SNRK: variants seen among roughly 807,000 people sequenced by gnomAD.
SNRK encodes SNF-related serine/threonine-protein kinase.
SNRK carries 3 observed loss-of-function variants against 48.2 expected under a neutral mutation model. The observed-to-expected ratio is 0.06, with a 90% CI of 0.03 to 0.16. The LOEUF is 0.16. Among genes scored for constraint, SNRK ranks in the 10% least tolerant of loss-of-function variants. The pLI is 1.00. For missense variants in SNRK, 627 were observed against 976.0 expected, an observed-to-expected ratio of 0.64 and a Z score of 4.76; for synonymous variants, 376 against 366.1, an observed-to-expected ratio of 1.03 and a Z score of -0.31.
chr3:43,312,889 A>G (rs1290269609), intron 3 of SNRK, among the ~76,000 whole-genome samples: 1 of 152,216 alleles, frequency 6.6e-6, no homozygotes, highest in Non-Finnish European at 1.5e-5. Flanking sequence ...TAACAAAAAA[A>G]TAATGATAGA....
Position 43,327,277 on chromosome 3 carries a change from G to A in SNRK, c.590-4892G>A, listed in dbSNP as rs565515232. On this transcript the variant is annotated intron_variant, in intron 3 of 6. Transcript: ENST00000296088. ...TTAGGTTTTATTATAGAACTCCTGG[G>A]ACCTACACACTTCTGAAACAGTACT... Among the ~76,000 whole-genome samples, 415 of 152,290 alleles carry A rather than the reference G, an allele frequency of 2.7e-3. 1 individual carries two copies. Among genetic ancestry groups the A allele is most frequent in the South Asian group, 7.9e-3 (38 of 4,816 alleles).
chr3:43,308,665 A>C (rs2090956204), intron 3 of SNRK, among the ~76,000 whole-genome samples: 1 of 152,170 alleles, frequency 6.6e-6, no homozygotes, highest in Middle Eastern at 3.2e-3. Context: ...AAATACTGCC[A>C]CTCATTGACA....
At chr3:43,344,737 G>A (rs368335969) in intron 6 of SNRK, among the ~76,000 whole-genome samples, 1 of 152,062 alleles carries the variant, frequency 6.6e-6, no homozygotes, top group East Asian at 1.9e-4. Context: ...GGAAATTCTT[G>A]GGGATGAGAT....
chr3:43,344,360 G>A (rs865979717), intron 6 of SNRK, among the ~76,000 whole-genome samples: 3 of 152,194 alleles, frequency 2.0e-5, no homozygotes, highest in East Asian at 1.9e-4. Flanking sequence ...CCATGGAACT[G>A]TAGTTCGAAA....
Position 43,350,161 on chromosome 3 carries a change from T to G in SNRK, c.*1604T>G, listed in dbSNP as rs1559474288. On this transcript the variant is annotated 3_prime_UTR_variant, in exon 7 of 7. Transcript: ENST00000296088. Reference sequence around the variant, plus strand: ...AAATACTTATTTTACTTTCTAGACCTAGGCTAGATGTTTTAAGCTACAGCT... The same window carrying G: ...AAATACTTATTTTACTTTCTAGACCGAGGCTAGATGTTTTAAGCTACAGCT... 1 of 152,672 alleles carries G rather than the reference T, an allele frequency of 6.5e-6. No homozygotes were observed. Among genetic ancestry groups the G allele is most frequent in the African/African-American group, 2.4e-5 (1 of 41,464 alleles). 9.5% of individuals were successfully genotyped at this position (152,672 alleles called of 1,614,324 possible). A position where few individuals can be genotyped will look rare whatever the true frequency, so the allele number is the denominator to read the frequency against.
At position 43,348,364 on chromosome 3, in the gene SNRK, G is replaced by T; in HGVS notation, c.2105G>T (p.Gly702Val). 6.2e-7 allele frequency: 1 copy of T among 1,607,756 alleles called. No homozygotes were observed. The highest frequency in any genetic ancestry group is 8.5e-7 in the Non-Finnish European group (1 of 1,177,190). Residue 702 changes from glycine (G) to valine (V), a missense_variant, in exon 7 of 7, where the codon GGC becomes GTC. Physicochemically the swap from Gly to Val is moderately radical, Grantham distance 109. Coordinates refer to ENST00000296088, the MANE Select transcript of SNRK (RefSeq NM_017719.5). ...TGNAGQVPAVGGIKFFSDHMA... is the reference protein window; with the variant it reads ...TGNAGQVPAVVGIKFFSDHMA... ...AATGCAGGGCAGGTCCCTGCAGTGG[G>T]CGGCATAAAGTTTTTCTCTGACCAC...
chr3:43,320,021 G>A (rs1367411994), intron 3 of SNRK, among the ~76,000 whole-genome samples: 1 of 152,168 alleles, frequency 6.6e-6, no homozygotes, highest in Non-Finnish European at 1.5e-5. Context: ...CAACTATTTG[G>A]ATGAACACAA....
At position 43,349,562 on chromosome 3, in the gene SNRK, G is replaced by C. The variant is rs1038819134; in HGVS notation, c.*1005G>C. ...TCATTCAGTTATATCCTTTGGCTCAGCTAGCTTTGAAATTGGCTGATGAAA... is the reference window on the plus strand; with the variant it reads ...TCATTCAGTTATATCCTTTGGCTCACCTAGCTTTGAAATTGGCTGATGAAA... On this transcript the variant is annotated 3_prime_UTR_variant, in exon 7 of 7. Transcript: ENST00000296088. 2 of 152,158 alleles carry C rather than the reference G, an allele frequency of 1.3e-5. No individual in the cohort carries two copies. The highest frequency in any genetic ancestry group is 2.4e-5 in the African/African-American group (1 of 41,438). 9.4% of individuals were successfully genotyped at this position (152,158 alleles called of 1,614,324 possible). A position where few individuals can be genotyped will look rare whatever the true frequency, so the allele number is the denominator to read the frequency against.
intron 4 of SNRK, among the ~76,000 whole-genome samples, chr3:43,338,088 T>C (rs536863400): frequency 2.6e-4 from 40 of 152,336 alleles, no homozygotes; most frequent in South Asian, 1.4e-3. Flanking sequence ...ATCTTTAGAA[T>C]ATTTTAACTA....
chr3:43,325,424 C>T (rs2091088656), intron 3 of SNRK, among the ~76,000 whole-genome samples: 1 of 152,058 alleles, frequency 6.6e-6, no homozygotes, highest in African/African-American at 2.4e-5. Flanking sequence ...CTTGGCCTCC[C>T]AAAGTGCTGG....
In SNRK at chr3:43,347,728, T is replaced by G; in HGVS notation, c.1469T>G (p.Phe490Cys). ...AGTGCGCCCGTCCTCAACCAGATCTTTGAGGAAGGGGAATCTGACGATGAG... is the reference window on the plus strand; with the variant it reads ...AGTGCGCCCGTCCTCAACCAGATCTGTGAGGAAGGGGAATCTGACGATGAG... ...RKSAPVLNQI[F>C]EEGESDDEFD... Residue 490 changes from phenylalanine to cysteine, a missense_variant, in exon 7 of 7, where the codon TTT (phenylalanine) becomes TGT (cysteine). Coordinates refer to ENST00000296088, the MANE Select transcript of SNRK (RefSeq NM_017719.5). The surrounding 1 kb of genome is among the most constrained non-coding windows in gnomAD (Gnocchi z 5.4). The G allele has an allele frequency of 6.2e-7, 1 of 1,613,812 alleles. No homozygotes were observed. Among genetic ancestry groups the G allele is most frequent in the Non-Finnish European group, 8.5e-7 (1 of 1,179,964 alleles).
rs1189835869 is a variant in SNRK at position 43,348,400 on chromosome 3, C to A, written c.2141C>A (p.Thr714Asn). The A allele has an allele frequency of 4.3e-6, 7 of 1,611,234 alleles. No individual in the cohort carries two copies. Among genetic ancestry groups the A allele is most frequent in the Non-Finnish European group, 5.1e-6 (6 of 1,178,752 alleles). ...IKFFSDHMAD[T>N]TTELERIKSK... is the part of the protein sequence containing the mutation. ...TTTTTCTCTGACCACATGGCAGATACCACCACTGAATTGGAACGGATAAAG... is the reference window on the plus strand; with the variant it reads ...TTTTTCTCTGACCACATGGCAGATAACACCACTGAATTGGAACGGATAAAG... Residue 714 changes from threonine to asparagine, a missense_variant, in exon 7 of 7, where the codon ACC (threonine) becomes AAC (asparagine). By Grantham distance (65) the Thr-to-Asn change is moderately conservative (BLOSUM62 0). Transcript: ENST00000296088.
chr3:43,344,781 A>C (rs2091262945), intron 6 of SNRK, among the ~76,000 whole-genome samples: 2 of 152,174 alleles, frequency 1.3e-5, no homozygotes, highest in Non-Finnish European at 2.9e-5. Flanking sequence ...GTTACGGTCA[A>C]CCTAGTCCTG....
Position 43,347,890 on chromosome 3 carries a change from GTGA to G in SNRK, c.1639_1641del (p.Asp547del). On this transcript the variant is annotated inframe_deletion, in exon 7 of 7. Transcript: ENST00000296088. This position sits in a 1 kb window ranked among gnomAD's most constrained non-coding sequence, Gnocchi z 5.4. ...TCCAGCTGCAGTAGTTCGGAGACCA[GTGA>G]TGATGATTCTGAAAGCCGGCGGCGG... 6.2e-7 allele frequency: 1 copy of G among 1,614,224 alleles called. No homozygotes were observed. The highest frequency in any genetic ancestry group is 8.5e-7 in the Non-Finnish European group (1 of 1,180,046).
chr3:43,315,976 A>G (rs1440331091), intron 3 of SNRK, among the ~76,000 whole-genome samples: 1 of 152,200 alleles, frequency 6.6e-6, no homozygotes, highest in Non-Finnish European at 1.5e-5. Context: ...TAAGAAACAA[A>G]TATTTCTGAA....
chr3:43,291,272 A>C (rs2090810156), intron 1 of SNRK, among the ~76,000 whole-genome samples: 1 of 152,158 alleles, frequency 6.6e-6, no homozygotes, highest in Non-Finnish European at 1.5e-5. Context: ...CAAACACACA[A>C]AATTTATTTC....
chr3:43,291,549 A>G (rs2090812707), intron 1 of SNRK, among the ~76,000 whole-genome samples: 1 of 152,164 alleles, frequency 6.6e-6, no homozygotes, highest in Non-Finnish European at 1.5e-5. Context: ...GGGGGATAAA[A>G]TCCTTAGGTG....
chr3:43,296,667 T>C (rs2090858463), intron 1 of SNRK, among the ~76,000 whole-genome samples: 1 of 152,042 alleles, frequency 6.6e-6, no homozygotes, highest in African/African-American at 2.4e-5. Flanking sequence ...TGTCCCTACC[T>C]CTCTCTAAGA....
At chr3:43,301,338 G>T (rs1464488907) in intron 2 of SNRK, among the ~76,000 whole-genome samples, 1 of 152,098 alleles carries the variant, frequency 6.6e-6, no homozygotes, top group African/African-American at 2.4e-5. Flanking sequence ...CCTAAATGGG[G>T]CATTGATTAG....
Sources: allele counts gnomAD v4.1 joint callset (sites outside exome capture counted in the v4.1 genomes callset), GRCh38; gene constraint gnomAD v4.1.1; non-coding constraint Gnocchi (gnomAD v3.1); transcripts MANE v1.5; gene names NCBI Gene and HGNC (gene_info 2026-07-23, HGNC 2026-07-21).